The following LRRTM4 variants were observed in gnomAD, a reference collection of about 807,000 sequenced individuals.
The protein encoded by LRRTM4 is leucine-rich repeat transmembrane neuronal protein 4.
LRRTM4 carries 25 observed loss-of-function variants against 47.6 expected under a neutral mutation model. That is an observed-to-expected ratio of 0.53 (90% CI 0.38 to 0.73). LRRTM4 has a LOEUF of 0.73. Ranked by LOEUF, LRRTM4 falls within the 30% of genes least tolerant of loss-of-function variation. LRRTM4 has a pLI of 0.00. For missense variants in LRRTM4, 638 were observed against 713.4 expected (o/e 0.89, Z 1.20); for synonymous variants, 311 against 269.5 (o/e 1.15, Z -1.51).
intron 3 of LRRTM4, among the ~76,000 whole-genome samples, chr2:77,463,332 T>C (rs1161677812): frequency 6.6e-6 from 1 of 152,134 alleles, no homozygotes. Context: ...TGGCACATGA[T>C]TGTAAATAAC....
At chr2:77,147,913 G>T (rs990580495) in intron 3 of LRRTM4, among the ~76,000 whole-genome samples, 2 of 152,036 alleles carry the variant, frequency 1.3e-5, no homozygotes, top group African/African-American at 2.4e-5. Flanking sequence ...AGCATTGAGG[G>T]TTTATGGATG....
At chr2:77,249,622 C>T (rs1223924355) in intron 3 of LRRTM4, among the ~76,000 whole-genome samples, 1 of 152,106 alleles carries the variant, frequency 6.6e-6, no homozygotes, top group East Asian at 1.9e-4. Context: ...GAAGATACCA[C>T]CACCTATCTA....
chr2:76,952,703 A>G (rs76807361), intron 3 of LRRTM4, among the ~76,000 whole-genome samples: 5,716 of 152,004 alleles, frequency 0.038, 245 homozygotes, highest in East Asian at 0.14. Context: ...TATATCCAAA[A>G]GAAAATAGAT....
chr2:77,124,510 C>A (rs192107853), intron 3 of LRRTM4, among the ~76,000 whole-genome samples: 1 of 152,082 alleles, frequency 6.6e-6, no homozygotes, highest in Non-Finnish European at 1.5e-5. Flanking sequence ...TGTCAATGAG[C>A]CAATTTTTGT....
chr2:76,971,121 G>C (rs1387604829), intron 3 of LRRTM4, among the ~76,000 whole-genome samples: 1 of 152,016 alleles, frequency 6.6e-6, no homozygotes, highest in Non-Finnish European at 1.5e-5. Context: ...GATGCTAGTG[G>C]AGGGGACAGT....
chr2:76,849,044 C>A (rs1026687546), intron 3 of LRRTM4, among the ~76,000 whole-genome samples: 6 of 151,972 alleles, frequency 3.9e-5, no homozygotes, highest in African/African-American at 1.4e-4. Flanking sequence ...TTTCTCTCCC[C>A]CTATCTTTCC....
Position 76,991,642 on chromosome 2 carries a change from A to G in LRRTM4, c.1552-242726T>C, listed in dbSNP as rs916473642. Among the ~76,000 whole-genome samples, 12 of 151,838 alleles carry G rather than the reference A, an allele frequency of 7.9e-5. No homozygotes were observed. In the South Asian group the frequency reaches 2.1e-3, roughly 26 times the overall value. ...TGAGTTCTGAAATTGCATCAATCAT[A>G]AAAAACTACCAACAAAAAAGAGAAC... On this transcript the variant is annotated intron_variant, in intron 3 of 3. Coordinates refer to ENST00000409884, the MANE Select transcript of LRRTM4 (RefSeq NM_001134745.3).
chr2:77,350,292 G>C (rs946530502), intron 3 of LRRTM4, among the ~76,000 whole-genome samples: 4 of 114,898 alleles, frequency 3.5e-5, no homozygotes, highest in Non-Finnish European at 4.9e-5. Flanking sequence ...CGCCACTGCA[G>C]TCCGCAGTCC....
At chr2:77,128,204 G>A (rs1671703785) in intron 3 of LRRTM4, among the ~76,000 whole-genome samples, 1 of 151,890 alleles carries the variant, frequency 6.6e-6, no homozygotes, top group African/African-American at 2.4e-5. Context: ...AATAAGTGTT[G>A]TTTCAAGCAC....
intron 3 of LRRTM4, among the ~76,000 whole-genome samples, chr2:77,368,420 T>G (rs1672537161): frequency 6.6e-6 from 1 of 151,722 alleles, no homozygotes; most frequent in African/African-American, 2.4e-5. Flanking sequence ...GAGGTACTCC[T>G]GAATCCTCAA....
intron 3 of LRRTM4, among the ~76,000 whole-genome samples, chr2:76,899,586 T>A (rs1673551022): frequency 6.6e-6 from 1 of 151,980 alleles, no homozygotes; most frequent in Non-Finnish European, 1.5e-5. Flanking sequence ...TGAATTCATG[T>A]CTGACACGTG....
At chr2:76,975,403 CT>C (rs1676384952) in intron 3 of LRRTM4, among the ~76,000 whole-genome samples, 1 of 149,198 alleles carries the variant, frequency 6.7e-6, no homozygotes, top group African/African-American at 2.5e-5. Context: ...TCATAAGAGA[CT>C]TATTTATTTA....
At chr2:76,878,073 T>C (rs993595704) in intron 3 of LRRTM4, among the ~76,000 whole-genome samples, 21 of 152,242 alleles carry the variant, frequency 1.4e-4, no homozygotes, top group Non-Finnish European at 2.1e-4. Flanking sequence ...GTTCACTTCA[T>C]GTCTCTGTGT....
chr2:76,808,761 C>T (rs1353534196), intron 3 of LRRTM4, among the ~76,000 whole-genome samples: 1 of 152,134 alleles, frequency 6.6e-6, no homozygotes, highest in Non-Finnish European at 1.5e-5. Context: ...GGCCACTTTC[C>T]TGCAACACAT....
intron 3 of LRRTM4, among the ~76,000 whole-genome samples, chr2:76,813,083 G>C (rs1351340219): frequency 6.6e-6 from 1 of 151,976 alleles, no homozygotes; most frequent in Non-Finnish European, 1.5e-5. Context: ...ACAATCGCTT[G>C]AACCCAGGAG....
chr2:77,331,401 T>C (rs1302239313), intron 3 of LRRTM4, among the ~76,000 whole-genome samples: 1 of 152,104 alleles, frequency 6.6e-6, no homozygotes, highest in Non-Finnish European at 1.5e-5. Flanking sequence ...GGTAGTGGGA[T>C]AGAGGGCAGC....
At chr2:77,503,562 A>C (rs983647353) in intron 3 of LRRTM4, among the ~76,000 whole-genome samples, 1 of 151,690 alleles carries the variant, frequency 6.6e-6, no homozygotes, top group African/African-American at 2.4e-5. Flanking sequence ...GAGAAATAAC[A>C]TGTTTATTTT....
intron 3 of LRRTM4, among the ~76,000 whole-genome samples, chr2:76,974,411 G>C (rs1374701642): frequency 6.6e-6 from 1 of 150,742 alleles, no homozygotes; most frequent in East Asian, 2.0e-4. Flanking sequence ...TAAAAGGTTT[G>C]AAACTATGCA....
intron 3 of LRRTM4, among the ~76,000 whole-genome samples, chr2:77,161,006 A>G (rs1480365870): frequency 2.0e-5 from 3 of 152,134 alleles, no homozygotes; most frequent in Non-Finnish European, 4.4e-5. Context: ...TTTAAAGAAA[A>G]ATGATCCTTA....
Sources: allele counts gnomAD v4.1 joint callset (sites outside exome capture counted in the v4.1 genomes callset), GRCh38; gene constraint gnomAD v4.1.1; transcripts MANE v1.5; gene names NCBI Gene and HGNC (gene_info 2026-07-23, HGNC 2026-07-21).